SIPA1L3: variants seen among roughly 807,000 people sequenced by gnomAD.
SIPA1L3 encodes the protein signal-induced proliferation-associated 1-like protein 3.
A neutral mutation model predicts 150.1 loss-of-function variants in SIPA1L3; 59 were observed. That is an observed-to-expected ratio of 0.39 (90% CI 0.32 to 0.49). SIPA1L3 has a LOEUF of 0.49. Ranked by LOEUF, SIPA1L3 falls within the 20% of genes least tolerant of loss-of-function variation. The pLI is 0.86. For missense variants in SIPA1L3, 2,211 were observed against 2,489.5 expected, an observed-to-expected ratio of 0.89 and a Z score of 2.38; for synonymous variants, 1,070 against 1,077.6, an observed-to-expected ratio of 0.99 and a Z score of 0.14.
At chr19:38,008,801 C>A (rs559957114) in intron 1 of SIPA1L3, among the ~76,000 whole-genome samples, 1 of 151,754 alleles carries the variant, frequency 6.6e-6, no homozygotes. Context: ...CTCAAGCAAT[C>A]TCCCCAGCTC....
chr19:37,993,824 G>A (rs1191557614), intron 1 of SIPA1L3, among the ~76,000 whole-genome samples: 1 of 152,168 alleles, frequency 6.6e-6, no homozygotes, highest in African/African-American at 2.4e-5. Context: ...GGTGCCGTAT[G>A]AATAAACACT....
Position 38,195,050 on chromosome 19 carries a change from C to CA in SIPA1L3, c.4840+1283dup, listed in dbSNP as rs1167892035. On this transcript the variant is annotated intron_variant, in intron 18 of 21. Coordinates refer to ENST00000222345, the MANE Select transcript of SIPA1L3 (RefSeq NM_015073.3). ...TGGGTGACAGAGCCAGACTCCATCT[C>CA]AAAAAAAAAAAAACTTCCCCTGCAG... is the stretch of plus-strand genomic sequence containing the variant. Among the ~76,000 whole-genome samples the CA allele has an allele frequency of 3.6e-3, 506 of 141,900 alleles. 3 individuals are homozygous for CA. Among genetic ancestry groups the CA allele is most frequent in the East Asian group, 0.01 (50 of 4,848 alleles). 93.1% of individuals were successfully genotyped at this position (141,900 alleles called of 152,430 possible).
chr19:38,164,114 C>A lies in SIPA1L3; in HGVS notation c.3781-365C>A, dbSNP rs540124154. 6.6e-6 allele frequency among the ~76,000 whole-genome samples: 1 copy of A among 152,118 alleles called. No homozygotes were observed. The highest frequency in any genetic ancestry group is 2.1e-4 in the South Asian group (1 of 4,822). ...AGCAAAAGCGGGGTCAAGGTGAGTCCACGGCTCTTGGCAGGGGCAGCTGAA... is the reference window on the plus strand; with the variant it reads ...AGCAAAAGCGGGGTCAAGGTGAGTCAACGGCTCTTGGCAGGGGCAGCTGAA... On this transcript the variant is annotated intron_variant, in intron 14 of 21. Coordinates refer to ENST00000222345, the MANE Select transcript of SIPA1L3 (RefSeq NM_015073.3). The surrounding 1 kb of genome is among the most constrained non-coding windows in gnomAD (Gnocchi z 4.1).
intron 13 of SIPA1L3, among the ~76,000 whole-genome samples, chr19:38,161,446 C>A (rs1223686219): frequency 6.6e-6 from 1 of 151,744 alleles, no homozygotes; most frequent in Non-Finnish European, 1.5e-5. Flanking sequence ...TAGTTTGGGC[C>A]GGGTGCGGTA....
Position 38,016,886 on chromosome 19 carries a change from C to CTTTT in SIPA1L3, c.-378-12178_-378-12175dup, listed in dbSNP as rs58459050. On this transcript the variant is annotated intron_variant, in intron 1 of 21. Coordinates refer to ENST00000222345, the MANE Select transcript of SIPA1L3 (RefSeq NM_015073.3). ...ATACTTCTTTTTCTGCCTCCTCTGG[C>CTTTT]TTTTTTTTTTTTTTTTTTTTTTTTT... Among the ~76,000 whole-genome samples the CTTTT allele has an allele frequency of 7.2e-5, 5 of 69,106 alleles. 1 individual carries two copies. The highest frequency in any genetic ancestry group is 1.3e-4 in the Non-Finnish European group (5 of 39,638). 45.3% of individuals were successfully genotyped at this position (69,106 alleles called of 152,430 possible). A position where few individuals can be genotyped will look rare whatever the true frequency, so the allele number is the denominator to read the frequency against.
intron 2 of SIPA1L3, among the ~76,000 whole-genome samples, chr19:38,053,328 A>T (rs1048460725): frequency 1.3e-4 from 20 of 152,248 alleles, no homozygotes; most frequent in African/African-American, 4.8e-4. Context: ...CTTTACACTT[A>T]TTCACTTAGT....
At chr19:38,152,258 C>T (rs758935513) in intron 12 of SIPA1L3, among the ~76,000 whole-genome samples, 8 of 152,178 alleles carry the variant, frequency 5.3e-5, no homozygotes, top group Admixed American at 1.3e-4. Context: ...CTGGACATGA[C>T]GGGGCATCCT....
chr19:38,093,231 G>A (rs986873874), intron 4 of SIPA1L3, among the ~76,000 whole-genome samples: 1 of 152,156 alleles, frequency 6.6e-6, no homozygotes, highest in Non-Finnish European at 1.5e-5. Flanking sequence ...TAAACCTAGA[G>A]GAGGGGAGAG....
chr19:37,936,729 A>T (rs1452437279), intron 1 of SIPA1L3, among the ~76,000 whole-genome samples: 1 of 152,226 alleles, frequency 6.6e-6, no homozygotes, highest in African/African-American at 2.4e-5. Context: ...GTTGAGATGC[A>T]GTCTCTCCTG....
At chr19:38,000,060 A>G (rs563267531) in intron 1 of SIPA1L3, among the ~76,000 whole-genome samples, 1 of 152,280 alleles carries the variant, frequency 6.6e-6, no homozygotes, top group Admixed American at 6.5e-5. Flanking sequence ...ATTAAATTAG[A>G]TACTGTTTTT....
At chr19:38,043,143 C>G (rs1018445284) in intron 2 of SIPA1L3, among the ~76,000 whole-genome samples, 2 of 152,140 alleles carry the variant, frequency 1.3e-5, no homozygotes, top group East Asian at 3.8e-4. Flanking sequence ...AGTTCGAGAC[C>G]AGCCTGGCCA....
chr19:38,059,167 A>AT (rs557869767), intron 2 of SIPA1L3, among the ~76,000 whole-genome samples: 13,308 of 141,864 alleles, frequency 0.094, 1,674 homozygotes, highest in African/African-American at 0.28. Context: ...TACTCAGCTC[A>AT]TTTTTTTTTT....
In SIPA1L3 at chr19:38,010,911, CCAGGGTACAACT is replaced by C. The variant is rs971543422; in HGVS notation, c.-378-18175_-378-18164del. On this transcript the variant is annotated intron_variant, in intron 1 of 21. Coordinates refer to ENST00000222345, the MANE Select transcript of SIPA1L3 (RefSeq NM_015073.3). ...AGTATTCATCAAGATTGTGCTGAAC[CCAGGGTACAACT>C]CATGGCAATGACCAACAAACAGGGT... Among the ~76,000 whole-genome samples the C allele has an allele frequency of 3.3e-5, 5 of 152,182 alleles. 1 individual carries two copies. The highest frequency in any genetic ancestry group is 2.0e-4 in the Admixed American group (3 of 15,280).
At chr19:38,099,456 A>C (rs1206726539) in intron 4 of SIPA1L3, among the ~76,000 whole-genome samples, 1 of 152,210 alleles carries the variant, frequency 6.6e-6, no homozygotes, top group African/African-American at 2.4e-5. Context: ...TAATGTGTAC[A>C]TAATACAGTG....
intron 1 of SIPA1L3, among the ~76,000 whole-genome samples, chr19:38,014,055 T>C (rs1968170840): frequency 6.6e-6 from 1 of 152,266 alleles, no homozygotes; most frequent in African/African-American, 2.4e-5. Flanking sequence ...CCCGGCATTC[T>C]GCCTGGGAGA....
intron 1 of SIPA1L3, among the ~76,000 whole-genome samples, chr19:37,924,981 A>G (rs1229093792): frequency 6.6e-6 from 1 of 151,066 alleles, no homozygotes; most frequent in Non-Finnish European, 1.5e-5. Flanking sequence ...TCCAGGAGGC[A>G]GAGGTTGCAG....
At chr19:38,020,868 C>T (rs555326217) in intron 1 of SIPA1L3, among the ~76,000 whole-genome samples, 1 of 151,978 alleles carries the variant, frequency 6.6e-6, no homozygotes, top group Non-Finnish European at 1.5e-5. Context: ...AGTGCAGTGG[C>T]ACTATCTTGG....
At chr19:38,092,877 C>T (rs573704155) in intron 4 of SIPA1L3, among the ~76,000 whole-genome samples, 18 of 139,708 alleles carry the variant, frequency 1.3e-4, no homozygotes, top group Non-Finnish European at 2.2e-4. Flanking sequence ...TTTTTTTTCC[C>T]GAGACGGAGT....
intron 16 of SIPA1L3, among the ~76,000 whole-genome samples, chr19:38,183,576 A>G (rs113946417): frequency 6.6e-6 from 1 of 152,178 alleles, no homozygotes; most frequent in African/African-American, 2.4e-5. Context: ...CGAGATTCGC[A>G]GGAGACATCC....
Sources: allele counts gnomAD v4.1 joint callset (sites outside exome capture counted in the v4.1 genomes callset), GRCh38; gene constraint gnomAD v4.1.1; non-coding constraint Gnocchi (gnomAD v3.1); transcripts MANE v1.5; gene names NCBI Gene and HGNC (gene_info 2026-07-23, HGNC 2026-07-21).